CYP2S1: variants seen among roughly 807,000 people sequenced by gnomAD.
CYP2S1 encodes the protein cytochrome P450 2S1.
CYP2S1 carries 32 observed loss-of-function variants against 43.5 expected under a neutral mutation model. That is an observed-to-expected ratio of 0.74 (90% CI 0.56 to 0.99). The LOEUF (loss-of-function observed/expected upper bound fraction) is 0.99, where lower values mean the gene tolerates loss of function less well. Among genes scored for constraint, CYP2S1 ranks in the 50% least tolerant of loss-of-function variants. The pLI is 0.00. For missense variants in CYP2S1, 575 were observed against 673.9 expected, an observed-to-expected ratio of 0.85 and a Z score of 1.62; for synonymous variants, 283 against 302.9, an observed-to-expected ratio of 0.93 and a Z score of 0.68.
intron 3 of CYP2S1, 71 bp downstream of exon 3, chr19:41,197,999 G>A: frequency 1.3e-6 from 2 of 1,514,400 alleles, no homozygotes; most frequent in Non-Finnish European, 8.8e-7. Context: ...GTGGCTGGGG[G>A]TGGCCCCAAC....
Position 41,193,289 on chromosome 19 carries a change from C to T in CYP2S1, c.25C>T (p.Leu9=). 1 of 1,543,136 alleles carries T rather than the reference C, an allele frequency of 6.5e-7. No individual in the cohort carries two copies. Among genetic ancestry groups the T allele is most frequent in the Non-Finnish European group, 8.7e-7 (1 of 1,145,764 alleles). Residue 9 remains leucine, a synonymous_variant, in exon 1 of 9, where the codon CTG becomes TTG. Transcript: ENST00000310054. ...GATGGAGGCGACCGGCACCTGGGCGCTGCTGCTGGCGCTGGCGCTGCTCCT... is the reference window on the plus strand; with the variant it reads ...GATGGAGGCGACCGGCACCTGGGCGTTGCTGCTGGCGCTGGCGCTGCTCCT... MEATGTWA[L]LLALALLLLL...
At chr19:41,205,440 CTTTTCT>C (rs2033561571) in intron 7 of CYP2S1, among the ~76,000 whole-genome samples, 3 of 103,962 alleles carry the variant, frequency 2.9e-5, no homozygotes, top group African/African-American at 1.3e-4. Flanking sequence ...CTCTTTCTTT[CTTTTCT>C]TTTTCTTTCT....
Position 41,206,398 on chromosome 19 carries a change from G to A in CYP2S1, c.1425G>A (p.Lys475=), listed in dbSNP as rs746792916. 1 of 1,614,138 alleles carries A rather than the reference G, an allele frequency of 6.2e-7. No homozygotes were observed. The highest frequency in any genetic ancestry group is 2.2e-5 in the East Asian group (1 of 44,882). The stretch of plus-strand genomic sequence containing the variant: ...GCCCGCCGGACACCCTGAGCCTCAA[G>A]CCCACCGTCAGTGGCCTTTTCAACA... The part of the protein sequence containing the change: ...SPCPPDTLSL[K]PTVSGLFNIP... The change falls in exon 9 of 9, where the codon AAG becomes AAA. Residue 475 remains lysine, a synonymous_variant. Transcript: ENST00000310054.
Position 41,201,307 on chromosome 19 carries a change from C to A in CYP2S1, c.911C>A (p.Thr304Lys). 1 of 1,614,156 alleles carries A rather than the reference C, an allele frequency of 6.2e-7. No individual in the cohort carries two copies. Among genetic ancestry groups the A allele is most frequent in the Non-Finnish European group, 8.5e-7 (1 of 1,180,030 alleles). The change falls in exon 6 of 9, where the codon ACG becomes AAG. Residue 304 changes from threonine to lysine, a missense_variant. By Grantham distance (78) the Thr-to-Lys change is moderately conservative. Transcript: ENST00000310054. ...MTVIYLLFAG[T>K]MTVSTTVGYT... ...GTCATTTATTTGCTGTTTGCTGGGACGATGACGGTCAGCACCACGGTCGGC... is the reference window on the plus strand; with the variant it reads ...GTCATTTATTTGCTGTTTGCTGGGAAGATGACGGTCAGCACCACGGTCGGC...
chr19:41,207,019 T>TTTAATGA lies in CYP2S1; in HGVS notation c.*531_*532insTTAATGA. The TTTAATGA allele has an allele frequency of 3.9e-6, 1 of 257,580 alleles. No individual in the cohort carries two copies. Among genetic ancestry groups the TTTAATGA allele is most frequent in the Non-Finnish European group, 7.9e-6 (1 of 126,894 alleles). 16.0% of individuals were successfully genotyped at this position (257,580 alleles called of 1,614,324 possible). A position where few individuals can be genotyped will look rare whatever the true frequency, so the allele number is the denominator to read the frequency against. ...GCTCCCTCTCTTGGCTACACCACTC[T>TTTAATGA]CCCAGCCTGTGACCACCGATGTCCA... On this transcript the variant is annotated 3_prime_UTR_variant, in exon 9 of 9. Transcript: ENST00000310054.
chr19:41,198,403 A>G lies in CYP2S1; in HGVS notation c.494-59A>G. ...CTCTCTCTGGTTGGGTTCAGCTCCAACCTGCTCCCCTCTGCCTGGCTCCAT... is the reference window on the plus strand; with the variant it reads ...CTCTCTCTGGTTGGGTTCAGCTCCAGCCTGCTCCCCTCTGCCTGGCTCCAT... On this transcript the variant is annotated intron_variant, in intron 3 of 8. Transcript: ENST00000310054. The surrounding 1 kb of genome is among the most constrained non-coding windows in gnomAD (Gnocchi z 4.9). 1.3e-6 allele frequency: 2 copies of G among 1,596,210 alleles called. No individual in the cohort carries two copies. The highest frequency in any genetic ancestry group is 2.3e-5 in the South Asian group (2 of 87,470).
At chr19:41,202,627 C>T (rs2033504132) in intron 6 of CYP2S1, among the ~76,000 whole-genome samples, 1 of 150,314 alleles carries the variant, frequency 6.7e-6, no homozygotes, top group Non-Finnish European at 1.5e-5. Flanking sequence ...CTGTCTCTAC[C>T]GAAAATAGAA....
At chr19:41,197,177 AAAGC>A (rs2033423256) in intron 2 of CYP2S1, among the ~76,000 whole-genome samples, 1 of 152,072 alleles carries the variant, frequency 6.6e-6, no homozygotes, top group Non-Finnish European at 1.5e-5. Flanking sequence ...CCTGGGTGAC[AAAGC>A]AAGACCTCGT....
chr19:41,205,236 T>G (rs1462243626), intron 7 of CYP2S1, among the ~76,000 whole-genome samples: 1 of 152,050 alleles, frequency 6.6e-6, no homozygotes, highest in Non-Finnish European at 1.5e-5. Flanking sequence ...GCTTGAAAAG[T>G]TTTTAGAGGA....
Position 41,198,874 on chromosome 19 carries a change from C to G in CYP2S1, c.820C>G (p.Leu274Val). ...PARDLVDAFL[L>V]KMAQEEQNPG... ...ACGTGACCTTGTCGATGCCTTCCTG[C>G]TGAAGATGGCACAGGTGTGGGAAGG... The change falls in exon 5 of 9, where the codon CTG becomes GTG. Residue 274 changes from leucine to valine, a missense_variant. Transcript: ENST00000310054. The surrounding 1 kb of genome is among the most constrained non-coding windows in gnomAD (Gnocchi z 4.9). 6.2e-7 allele frequency: 1 copy of G among 1,612,616 alleles called. No homozygotes were observed. The highest frequency in any genetic ancestry group is 2.2e-5 in the East Asian group (1 of 44,846).
At chr19:41,194,038 T>C (rs2033376852) in intron 1 of CYP2S1, among the ~76,000 whole-genome samples, 1 of 151,582 alleles carries the variant, frequency 6.6e-6, no homozygotes. Flanking sequence ...GCCCCAGCCT[T>C]AGGGGATAGC....
In CYP2S1 at chr19:41,198,341, C is replaced by T; in HGVS notation, c.494-121C>T. The stretch of plus-strand genomic sequence containing the variant: ...TCCTTCTTTGCCTGTTTAGCTCTCT[C>T]CCTGCGCTGTCCATCCATCTTTCCC... On this transcript the variant is annotated intron_variant, in intron 3 of 8. Coordinates refer to ENST00000310054, the MANE Select transcript of CYP2S1 (RefSeq NM_030622.8). The surrounding 1 kb of genome is among the most constrained non-coding windows in gnomAD (Gnocchi z 4.9). The T allele has an allele frequency of 7.6e-7, 1 of 1,311,344 alleles. No individual in the cohort carries two copies. The highest frequency in any genetic ancestry group is 2.3e-5 in the East Asian group (1 of 43,470). The allele number at this position is 1,311,344 out of a possible 1,614,324, so 81.2% of individuals were successfully genotyped here.
rs749416592 is a variant in CYP2S1, at chr19:41,201,233, G to A, written c.837G>A (p.Glu279=). The stretch of plus-strand genomic sequence containing the variant: ...CCCCTCTGCCTGGTTTCTTTCAGGA[G>A]GAACAAAACCCAGGCACAGAATTCA... ...VDAFLLKMAQ[E]EQNPGTEFTN... The change falls in exon 6 of 9, where the codon GAG becomes GAA. Residue 279 remains glutamate (E), a splice_region_variant and synonymous_variant. Transcript: ENST00000310054. The A allele has an allele frequency of 3.7e-6, 6 of 1,613,918 alleles. No homozygotes were observed. The highest frequency in any genetic ancestry group is 2.7e-5 in the African/African-American group (2 of 74,930).
At chr19:41,195,498 G>A (rs564863548) in intron 2 of CYP2S1, among the ~76,000 whole-genome samples, 6 of 151,938 alleles carry the variant, frequency 3.9e-5, no homozygotes, top group Non-Finnish European at 7.4e-5. Flanking sequence ...GGGGAAGCAC[G>A]GGGAGAAAGG....
chr19:41,205,334 CTTTCTT>C (rs2033550199), intron 7 of CYP2S1, among the ~76,000 whole-genome samples: 1 of 101,076 alleles, frequency 9.9e-6, no homozygotes, highest in Non-Finnish European at 1.9e-5. Flanking sequence ...GCCTTTCTTT[CTTTCTT>C]TTTTTCTTTC....
intron 6 of CYP2S1, 56 bp downstream of exon 6, chr19:41,201,428 G>GA (rs1253454483): frequency 3.2e-6 from 5 of 1,578,342 alleles, no homozygotes; most frequent in Non-Finnish European, 4.3e-6. Flanking sequence ...GTTCTAGGCT[G>GA]AGCAAGGTGG....
chr19:41,197,807 G>A lies in CYP2S1; in HGVS notation c.372G>A (p.Trp124Ter). The A allele has an allele frequency of 6.2e-7, 1 of 1,614,112 alleles. No homozygotes were observed. The highest frequency in any genetic ancestry group is 8.5e-7 in the Non-Finnish European group (1 of 1,180,032). ...HGVFFSNGER[W>*]RQLRKFTMLA... ...TTTTCTTCTCCAACGGGGAGCGGTG[G>A]AGGCAGCTGAGGAAGTTTACCATGC... The change falls in exon 3 of 9, where the codon TGG (tryptophan) becomes TGA (stop). Residue 124 changes from tryptophan to a stop codon, truncating the protein, a stop_gained. Transcript: ENST00000310054. LOFTEE classifies it high-confidence loss of function.
At chr19:41,199,975 A>G (rs1263571497) in intron 5 of CYP2S1, among the ~76,000 whole-genome samples, 3 of 151,436 alleles carry the variant, frequency 2.0e-5, no homozygotes, top group Non-Finnish European at 4.4e-5. Context: ...CATCTCAAAA[A>G]AAAAAAAAAA....
At chr19:41,194,408 C>A in intron 1 of CYP2S1, 136 bp from the exon 2 acceptor site, 1 of 1,162,072 alleles carries the variant, frequency 8.6e-7, no homozygotes, top group Non-Finnish European at 1.2e-6. Flanking sequence ...GCTATTTCTG[C>A]TGGGATGGGG....
Sources: allele counts gnomAD v4.1 joint callset (sites outside exome capture counted in the v4.1 genomes callset), GRCh38; gene constraint gnomAD v4.1.1; non-coding constraint Gnocchi (gnomAD v3.1); transcripts MANE v1.5; gene names NCBI Gene and HGNC (gene_info 2026-07-23, HGNC 2026-07-21).